Variants in NR4A1 observed in about 807,000 individuals in gnomAD.
NR4A1 encodes nuclear receptor subfamily 4immunitygroup A member 1.
Under a neutral mutation model 47.5 loss-of-function variants are expected in NR4A1, and 24 were observed. The ratio of observed to expected loss-of-function variants is 0.50; its 90% CI spans 0.37 to 0.71. The LOEUF is 0.71. Ranked by LOEUF, NR4A1 falls within the 30% of genes least tolerant of loss-of-function variation. NR4A1 has a pLI of 0.00. For missense variants in NR4A1, 669 were observed against 788.6 expected (o/e 0.85, Z 1.82); for synonymous variants, 353 against 345.7 (o/e 1.02, Z -0.24).
chr12:52,038,726 A>T (rs1302943139), intron 1 of NR4A1: 1 of 764,812 alleles, frequency 1.3e-6, no homozygotes, highest in Non-Finnish European at 2.4e-6. Flanking sequence ...AGTGCACAGT[A>T]TAAAATCAAG....
intron 1 of NR4A1, among the ~76,000 whole-genome samples, chr12:52,041,194 TTAAGCCTGCTGA>T (rs1247742857): frequency 1.3e-5 from 2 of 152,212 alleles, no homozygotes; most frequent in Admixed American, 6.5e-5. Flanking sequence ...TAACTTTTTT[TTAAGCCTGCTGA>T]TAAGCCTGTG....
chr12:52,050,862 C>T (rs917236689), upstream of NR4A1, among the ~76,000 whole-genome samples: 3 of 152,182 alleles, frequency 2.0e-5, no homozygotes, highest in African/African-American at 7.2e-5. Flanking sequence ...CGCGGCCTGT[C>T]CTGACCGCCC....
At chr12:52,029,599 G>A (rs533231236) in intron 1 of NR4A1, among the ~76,000 whole-genome samples, 1 of 152,234 alleles carries the variant, frequency 6.6e-6, no homozygotes, top group South Asian at 2.1e-4. Context: ...AAAGTGGGAG[G>A]ATCACTTGAG....
chr12:52,037,503 T>C, intron 1 of NR4A1: 4 of 982,022 alleles, frequency 4.1e-6, no homozygotes, highest in Non-Finnish European at 4.8e-6. Context: ...ATCTCGGGTC[T>C]TCGGTGGATG....
At chr12:52,042,668 A>C (rs1049357745) in intron 2 of NR4A1, among the ~76,000 whole-genome samples, 59 of 152,302 alleles carry the variant, frequency 3.9e-4, no homozygotes, top group African/African-American at 1.3e-3. Flanking sequence ...TGTGGAAGAC[A>C]TACCTTCCTT....
intron 2 of NR4A1, chr12:52,043,869 G>A (rs1938530464): frequency 7.8e-7 from 1 of 1,289,064 alleles, no homozygotes; most frequent in African/African-American, 1.5e-5. Flanking sequence ...CGGTTGTCTG[G>A]GACCTTTTTC....
chr12:52,058,143 A>C (rs1403069163), intron 6 of NR4A1, among the ~76,000 whole-genome samples: 1 of 152,226 alleles, frequency 6.6e-6, no homozygotes, highest in Non-Finnish European at 1.5e-5. Flanking sequence ...GACTTCTGAC[A>C]GTGCAGATCA....
chr12:52,042,208 A>G (rs934280958), intron 2 of NR4A1, among the ~76,000 whole-genome samples: 1 of 152,014 alleles, frequency 6.6e-6, no homozygotes, highest in Non-Finnish European at 1.5e-5. Flanking sequence ...AGGGGATGAC[A>G]GCTGCTCCCA....
rs183603198 is a variant in NR4A1 at position 52,043,706 on chromosome 12, C to T, written c.37+1777C>T. On this transcript the variant is annotated intron_variant, in intron 2 of 7. Coordinates refer to the NR4A1 transcript ENST00000360284. ...GCTATATAAACAGAGGAGGACACGC[C>T]GGCTTGGAGGCAGCACCACATCCAG... 8.0e-3 allele frequency: 10,105 copies of T among 1,258,646 alleles called. 64 individuals are homozygous for T. Among genetic ancestry groups the T allele is most frequent in the Non-Finnish European group, 9.6e-3 (9,408 of 976,072 alleles). 78.0% of individuals were successfully genotyped at this position (1,258,646 alleles called of 1,614,324 possible).
chr12:52,023,928 AC>A (rs1176083970), intron 1 of NR4A1, among the ~76,000 whole-genome samples: 1 of 151,680 alleles, frequency 6.6e-6, no homozygotes, highest in African/African-American at 2.4e-5. Context: ...CGGCTCCTGG[AC>A]CCCCCTGGAC....
intron 2 of NR4A1, chr12:52,043,810 G>A (rs978021600): frequency 1.6e-6 from 2 of 1,288,292 alleles, no homozygotes; most frequent in African/African-American, 3.0e-5. Context: ...AGGGCTCCCT[G>A]AGACCACCAG....
At chr12:52,055,871 GTC>G (rs1939237778) in intron 2 of NR4A1, 157 bp from the exon 3 acceptor site, 1 of 181,008 alleles carries the variant, frequency 5.5e-6, no homozygotes, top group African/African-American at 3.4e-5. Context: ...GCCCAACCCC[GTC>G]TCTCCCTCCC....
At chr12:52,046,749 C>G (rs556272459), upstream of NR4A1, among the ~76,000 whole-genome samples, 17 of 152,126 alleles carry the variant, frequency 1.1e-4, no homozygotes, top group African/African-American at 3.9e-4. Flanking sequence ...TTTGGGAGTC[C>G]GAGGCAGGCG....
chr12:52,041,122 C>T, intron 1 of NR4A1, among the ~76,000 whole-genome samples: 1 of 151,920 alleles, frequency 6.6e-6, no homozygotes, highest in East Asian at 1.9e-4. Context: ...CATTGAACTT[C>T]TCCTAATATT....
At chr12:52,034,257 C>T (rs1298015845) in intron 1 of NR4A1, among the ~76,000 whole-genome samples, 1 of 152,232 alleles carries the variant, frequency 6.6e-6, no homozygotes, top group Non-Finnish European at 1.5e-5. Context: ...GACTAGTCCT[C>T]TAGATTCTAC....
rs201672793 is a variant in NR4A1 at position 52,055,120 on chromosome 12, A to G, written c.792A>G (p.Glu264=). 130 of 1,614,062 alleles carry G rather than the reference A, an allele frequency of 8.1e-5. No individual in the cohort carries two copies. Among genetic ancestry groups the G allele is most frequent in the Non-Finnish European group, 1.1e-4 (126 of 1,180,046 alleles). The part of the protein sequence containing the change: ...KARSGAPGGS[E]GRCAVCGDNA... ...GGAGCGGGGCCCCAGGTGGAAGTGAAGGCCGCTGTGCTGTGTGTGGGGACA... is the reference window on the plus strand; with the variant it reads ...GGAGCGGGGCCCCAGGTGGAAGTGAGGGCCGCTGTGCTGTGTGTGGGGACA... The change falls in exon 2 of 7, where the codon GAA becomes GAG. Residue 264 remains glutamate (E), a synonymous_variant. Coordinates refer to ENST00000394825, the MANE Select transcript of NR4A1 (RefSeq NM_173157.3).
chr12:52,057,417 C>G lies in NR4A1; in HGVS notation c.1427C>G (p.Ala476Gly). 3 of 1,614,226 alleles carry G rather than the reference C, an allele frequency of 1.9e-6. No individual in the cohort carries two copies. Among genetic ancestry groups the G allele is most frequent in the African/African-American group, 1.3e-5 (1 of 75,078 alleles). ...SGLVLHRLQC[A>G]RGFGDWIDSI... The stretch of plus-strand genomic sequence containing the variant: ...CTGGTGCTACACCGGCTGCAGTGTG[C>G]CCGTGGCTTCGGGGACTGGATTGAC... Residue 476 changes from alanine to glycine, a missense_variant, in exon 6 of 7, where the codon GCC (alanine) becomes GGC (glycine). Ala to Gly is a moderately conservative substitution (Grantham distance 60). Coordinates refer to ENST00000394825, the MANE Select transcript of NR4A1 (RefSeq NM_173157.3).
At chr12:52,048,529 G>T (rs1050424859), upstream of NR4A1, among the ~76,000 whole-genome samples, 1 of 152,310 alleles carries the variant, frequency 6.6e-6, no homozygotes, top group Non-Finnish European at 1.5e-5. Context: ...GGGAGGCGGA[G>T]CTTGCAGTGA....
At chr12:52,033,675 T>C (rs1938179472) in intron 1 of NR4A1, among the ~76,000 whole-genome samples, 1 of 152,208 alleles carries the variant, frequency 6.6e-6, no homozygotes, top group African/African-American at 2.4e-5. Context: ...CTGGGCGGTG[T>C]CTCTGGACAG....
Sources: gnomAD v4.1 joint callset for allele counts (sites outside exome capture counted in the v4.1 genomes callset) on GRCh38, gnomAD v4.1.1 for gene constraint, MANE v1.5 for transcripts, NCBI Gene and HGNC (gene_info 2026-07-23, HGNC 2026-07-21) for gene names.